Variants in CDH4 observed in about 807,000 individuals in gnomAD.
CDH4 encodes the protein cadherin-4.
A neutral mutation model predicts 86.0 loss-of-function variants in CDH4; 33 were observed. The observed-to-expected ratio is 0.38, with a 90% CI of 0.29 to 0.51. The LOEUF (loss-of-function observed/expected upper bound fraction) is 0.51, where lower values mean the gene tolerates loss of function less well. CDH4 is among the 20% of genes least tolerant of loss of function. CDH4 has a pLI of 0.86. For synonymous variants in CDH4, 555 were observed against 549.4 expected (o/e 1.01, Z -0.14); for missense variants, 1,114 against 1,307.4 (o/e 0.85, Z 2.28).
At chr20:61,919,104 C>G (rs1262632604) in intron 9 of CDH4, among the ~76,000 whole-genome samples, 2 of 152,358 alleles carry the variant, frequency 1.3e-5, no homozygotes, top group East Asian at 3.8e-4. Flanking sequence ...CTCCTAGGCT[C>G]AAGTGATCCT....
chr20:61,913,044 G>A (rs1226310080), intron 9 of CDH4, among the ~76,000 whole-genome samples: 3 of 152,048 alleles, frequency 2.0e-5, no homozygotes, highest in Admixed American at 6.5e-5. Context: ...AGCGAGCCTC[G>A]GCCCATCTCC....
chr20:61,405,140 A>T (rs1408086497), intron 2 of CDH4, among the ~76,000 whole-genome samples: 1 of 152,042 alleles, frequency 6.6e-6, no homozygotes, highest in Non-Finnish European at 1.5e-5. Context: ...GGTCCCAGGG[A>T]GTGGATGTGG....
chr20:61,533,442 C>T lies in CDH4; in HGVS notation c.170-210121C>T, dbSNP rs1012093955. Among the ~76,000 whole-genome samples the T allele has an allele frequency of 3.3e-5, 5 of 152,208 alleles. 1 individual carries two copies. Among genetic ancestry groups the T allele is most frequent in the South Asian group, 4.1e-4 (2 of 4,832 alleles). On this transcript the variant is annotated intron_variant, in intron 2 of 15. Transcript: ENST00000614565. ...CTGCAGAGGCAGCTAGAGCTGTGCTCGTCTCTCCATCCCTTGTCCTCCCTA... is the reference window on the plus strand; with the variant it reads ...CTGCAGAGGCAGCTAGAGCTGTGCTTGTCTCTCCATCCCTTGTCCTCCCTA...
At chr20:61,391,094 T>C (rs1233494403) in intron 2 of CDH4, among the ~76,000 whole-genome samples, 1 of 151,898 alleles carries the variant, frequency 6.6e-6, no homozygotes, top group African/African-American at 2.4e-5. Context: ...GCATGGGGAA[T>C]TTTGGGGTGC....
At chr20:61,779,559 C>A (rs1266143168) in intron 4 of CDH4, among the ~76,000 whole-genome samples, 2 of 152,240 alleles carry the variant, frequency 1.3e-5, no homozygotes, top group Non-Finnish European at 2.9e-5. Flanking sequence ...TGAGCTTAAG[C>A]GGATTGAAGT....
In CDH4 at chr20:61,663,872, C is replaced by T. The variant is rs1489956540; in HGVS notation, c.170-79691C>T. ...TCCAGCTCCCTCGAGGCCGCCCTGG[C>T]CCTCCACACTCCCACCGCTGGCGCC... On this transcript the variant is annotated intron_variant, in intron 2 of 15. Coordinates refer to ENST00000614565, the MANE Select transcript of CDH4 (RefSeq NM_001794.5). The surrounding 1 kb of genome is among the most constrained non-coding windows in gnomAD (Gnocchi z 5.0). Among the ~76,000 whole-genome samples the T allele has an allele frequency of 2.6e-5, 4 of 152,138 alleles. No homozygotes were observed. The highest frequency in any genetic ancestry group is 9.7e-5 in the African/African-American group (4 of 41,420).
rs2087801964 is a variant in CDH4 at position 61,703,836 on chromosome 20, C to T, written c.170-39727C>T. ...GCACATGGGATTTAAACAATATTTA[C>T]TCAGAGCTGCTTTACCTTGTATTTT... On this transcript the variant is annotated intron_variant, in intron 2 of 15. Coordinates refer to ENST00000614565, the MANE Select transcript of CDH4 (RefSeq NM_001794.5). The surrounding 1 kb of genome is among the most constrained non-coding windows in gnomAD (Gnocchi z 4.3). Among the ~76,000 whole-genome samples the T allele has an allele frequency of 6.6e-6, 1 of 152,222 alleles. No individual in the cohort carries two copies. The highest frequency in any genetic ancestry group is 2.4e-5 in the African/African-American group (1 of 41,460).
intron 2 of CDH4, among the ~76,000 whole-genome samples, chr20:61,565,087 T>TC (rs2086256707): frequency 9.8e-6 from 1 of 101,904 alleles, no homozygotes; most frequent in African/African-American, 3.9e-5. Context: ...GTGGTGGTGG[T>TC]GCTCTTGGTG....
chr20:61,470,314 A>G (rs901091014), intron 2 of CDH4, among the ~76,000 whole-genome samples: 1 of 152,018 alleles, frequency 6.6e-6, no homozygotes, highest in Non-Finnish European at 1.5e-5. Flanking sequence ...AAATGGAATT[A>G]CTTTCTAGAT....
chr20:61,499,386 G>A, intron 2 of CDH4: 1 of 1,182,576 alleles, frequency 8.5e-7, no homozygotes. Flanking sequence ...CCTGTTAAAG[G>A]TTATGCGGGA....
intron 4 of CDH4, among the ~76,000 whole-genome samples, chr20:61,784,050 T>C (rs74208931): frequency 4.2e-5 from 1 of 23,626 alleles, no homozygotes; most frequent in Non-Finnish European, 6.8e-5. Flanking sequence ...CTCAGGTGTC[T>C]TGTGCCCCCA....
intron 2 of CDH4, among the ~76,000 whole-genome samples, chr20:61,387,591 T>C (rs1310863241): frequency 6.6e-6 from 1 of 151,236 alleles, no homozygotes; most frequent in Non-Finnish European, 1.5e-5. Flanking sequence ...CACACGCACA[T>C]TTGGCCACAC....
intron 4 of CDH4, among the ~76,000 whole-genome samples, chr20:61,833,034 G>A (rs1981700084): frequency 6.6e-6 from 1 of 152,134 alleles, no homozygotes. Context: ...GGGGTGGGCT[G>A]AGCAAGTGCT....
At chr20:61,554,868 GTGTC>G (rs769458649) in intron 2 of CDH4, among the ~76,000 whole-genome samples, 36 of 144,058 alleles carry the variant, frequency 2.5e-4, no homozygotes, top group African/African-American at 4.9e-4. Flanking sequence ...GCATGTTTGT[GTGTC>G]TGAGTAAGCT....
intron 2 of CDH4, among the ~76,000 whole-genome samples, chr20:61,476,393 G>A (rs1286152208): frequency 1.3e-5 from 2 of 152,212 alleles, no homozygotes; most frequent in Non-Finnish European, 2.9e-5. Context: ...GTGCACGTGT[G>A]TGTGTTCTGA....
At chr20:61,695,142 G>C (rs986299235) in intron 2 of CDH4, among the ~76,000 whole-genome samples, 1 of 152,234 alleles carries the variant, frequency 6.6e-6, no homozygotes, top group Non-Finnish European at 1.5e-5. Context: ...CTCCAGATTG[G>C]TAATGTTGAT....
intron 8 of CDH4, 101 bp downstream of exon 8, chr20:61,895,148 G>A: frequency 1.1e-5 from 16 of 1,395,452 alleles, no homozygotes; most frequent in Non-Finnish European, 1.6e-5. Flanking sequence ...CTGCCTGACG[G>A]GCACTTGGCA....
At chr20:61,330,267 G>C (rs1347153849) in intron 2 of CDH4, among the ~76,000 whole-genome samples, 1 of 152,126 alleles carries the variant, frequency 6.6e-6, no homozygotes, top group Non-Finnish European at 1.5e-5. Context: ...GAGGAATCTG[G>C]TTCTAGATCT....
chr20:61,565,080 G>GTGGTGGTGGTGGTGGTGGTGGTGCTCT (rs2086256096), intron 2 of CDH4, among the ~76,000 whole-genome samples: 7 of 125,772 alleles, frequency 5.6e-5, no homozygotes, highest in Admixed American at 2.3e-4. Context: ...GGTGGTGGTG[G>GTGGTGGTGGTGGTGGTGGTGGTGCTCT]TGGTGGTGCT....
Sources: gnomAD v4.1 joint callset for allele counts (sites outside exome capture counted in the v4.1 genomes callset) on GRCh38, gnomAD v4.1.1 for gene constraint, Gnocchi (gnomAD v3.1) non-coding constraint, MANE v1.5 for transcripts, NCBI Gene and HGNC (gene_info 2026-07-23, HGNC 2026-07-21) for gene names.